The following KIF1B variants were observed in gnomAD, a reference collection of about 807,000 sequenced individuals.
KIF1B encodes the protein kinesin family member 1B.
In KIF1B, 76 loss-of-function variants were observed where a neutral mutation model predicts 241.9. The observed-to-expected ratio is 0.31, with a 90% CI of 0.26 to 0.38. KIF1B has a LOEUF of 0.38. Ranked by LOEUF, KIF1B falls within the 10% of genes least tolerant of loss-of-function variation. The pLI is 1.00. For synonymous variants in KIF1B, 750 were observed against 796.7 expected, an observed-to-expected ratio of 0.94 and a Z score of 0.99; for missense variants, 1,622 against 2,271.4, an observed-to-expected ratio of 0.71 and a Z score of 5.81.
rs952452185 is a variant in KIF1B, at chr1:10,379,751, A to C, written c.*3164A>C. ...ATCCTCCTTTCTCCCATCAAAGCAA[A>C]ATATGGCCTCACCACCAGCCCCAAA... On this transcript the variant is annotated 3_prime_UTR_variant, in exon 49 of 49. Coordinates refer to ENST00000676179, the MANE Select transcript of KIF1B (RefSeq NM_001365951.3). 2 of 230,618 alleles carry C rather than the reference A, an allele frequency of 8.7e-6. No individual in the cohort carries two copies. The allele number at this position is 230,618 out of a possible 1,614,324, so 14.3% of individuals were successfully genotyped here.
intron 32 of KIF1B, among the ~76,000 whole-genome samples, chr1:10,341,449 C>T (rs1270071288): frequency 6.6e-6 from 1 of 152,194 alleles, no homozygotes; most frequent in Admixed American, 6.5e-5. Context: ...CTTGGCACAG[C>T]TGAGGAGAGA....
In KIF1B at chr1:10,379,467, G is replaced by GGT. The variant is rs1638969494; in HGVS notation, c.*2882_*2883dup. ...GCTGGTCCCCAGCACGTCCAGGGTGGGTGCTCCCTTGCCCGACAGAACCAT... is the reference window on the plus strand; with the variant it reads ...GCTGGTCCCCAGCACGTCCAGGGTGGGTGTGCTCCCTTGCCCGACAGAACCAT... On this transcript the variant is annotated 3_prime_UTR_variant, in exon 49 of 49. Coordinates refer to ENST00000676179, the MANE Select transcript of KIF1B (RefSeq NM_001365951.3). 2.6e-5 allele frequency: 6 copies of GGT among 231,906 alleles called. No homozygotes were observed. In the South Asian group the frequency reaches 1.1e-3, roughly 42 times the overall value. 14.4% of individuals were successfully genotyped at this position (231,906 alleles called of 1,614,324 possible). A position where few individuals can be genotyped will look rare whatever the true frequency, so the allele number is the denominator to read the frequency against.
Position 10,324,817 on chromosome 1 carries a change from C to T in KIF1B, c.2597C>T (p.Ala866Val), listed in dbSNP as rs1186604745. Reference protein sequence around the residue: ...YDRAGEMASSAQDESETTVTG... With the variant: ...YDRAGEMASSVQDESETTVTG... ...AGGGCAGGGGAGATGGCCTCCAGTGCCCAAGACGAAAGCGAAACCACTGTG... is the reference window on the plus strand; with the variant it reads ...AGGGCAGGGGAGATGGCCTCCAGTGTCCAAGACGAAAGCGAAACCACTGTG... The change falls in exon 26 of 49, where the codon GCC (alanine) becomes GTC (valine). Residue 866 changes from alanine to valine, a missense_variant. This residue lies in a region of KIF1B where 803 missense variants were observed against 1,112.0 expected (regional missense o/e 0.72). Coordinates refer to ENST00000676179, the MANE Select transcript of KIF1B (RefSeq NM_001365951.3). 1.2e-6 allele frequency: 2 copies of T among 1,614,052 alleles called. No individual in the cohort carries two copies. Among genetic ancestry groups the T allele is most frequent in the Non-Finnish European group, 1.7e-6 (2 of 1,180,008 alleles).
At chr1:10,228,189 CA>C (rs918380870) in intron 1 of KIF1B, among the ~76,000 whole-genome samples, 1 of 147,818 alleles carries the variant, frequency 6.8e-6, no homozygotes. Flanking sequence ...GACTCCATCT[CA>C]AAAAAAAAGA....
At chr1:10,314,554 G>A (rs1370231061) in intron 22 of KIF1B, among the ~76,000 whole-genome samples, 2 of 151,294 alleles carry the variant, frequency 1.3e-5, no homozygotes, top group Non-Finnish European at 2.9e-5. Context: ...CGAGTAACTG[G>A]GACTACATAT....
At chr1:10,346,752 C>G (rs1214670178) in intron 35 of KIF1B, among the ~76,000 whole-genome samples, 1 of 152,216 alleles carries the variant, frequency 6.6e-6, no homozygotes, top group Admixed American at 6.5e-5. Context: ...TAAAGACTTA[C>G]ATTACTGATG....
At chr1:10,280,691 A>G (rs1030035629) in intron 14 of KIF1B, among the ~76,000 whole-genome samples, 6 of 152,344 alleles carry the variant, frequency 3.9e-5, no homozygotes, top group African/African-American at 7.2e-5. Flanking sequence ...TTGGACTGCA[A>G]CAGCTCTGTC....
At chr1:10,280,267 G>A (rs1271417136) in intron 14 of KIF1B, among the ~76,000 whole-genome samples, 2 of 151,282 alleles carry the variant, frequency 1.3e-5, no homozygotes, top group Non-Finnish European at 2.9e-5. Context: ...ATGGAGTCTT[G>A]CTTTGTCGCT....
In KIF1B at chr1:10,315,594, G is replaced by A. The variant is rs535017730; in HGVS notation, c.2116-4449G>A. ...ATTTCGTTAATTAAATCAAAAATTA[G>A]GAAAGAGAGTGTTTTAATCCAAGAT... On this transcript the variant is annotated intron_variant, in intron 22 of 48. Coordinates refer to ENST00000676179, the MANE Select transcript of KIF1B (RefSeq NM_001365951.3). 5.9e-4 allele frequency among the ~76,000 whole-genome samples: 89 copies of A among 151,582 alleles called. 9 individuals are homozygous for A. The highest frequency in any genetic ancestry group is 2.0e-3 in the African/African-American group (81 of 40,908).
chr1:10,274,981 T>C (rs534303955), intron 10 of KIF1B: 23 of 349,154 alleles, frequency 6.6e-5, no homozygotes, highest in African/African-American at 5.1e-4. Context: ...ATGTTTAATT[T>C]TTTGAATTTG....
At chr1:10,335,221 C>T (rs1458591505) in intron 28 of KIF1B, among the ~76,000 whole-genome samples, 3 of 152,094 alleles carry the variant, frequency 2.0e-5, no homozygotes, top group African/African-American at 4.8e-5. Context: ...GTTAGGATTA[C>T]GGGTGTGGGC....
At chr1:10,286,952 T>G (rs1347617435) in intron 15 of KIF1B, among the ~76,000 whole-genome samples, 1 of 151,356 alleles carries the variant, frequency 6.6e-6, no homozygotes, top group Non-Finnish European at 1.5e-5. Flanking sequence ...GCCCCTAGAG[T>G]GGGGTATGGG....
intron 32 of KIF1B, among the ~76,000 whole-genome samples, chr1:10,340,594 G>A (rs560896314): frequency 8.5e-5 from 13 of 152,136 alleles, no homozygotes; most frequent in African/African-American, 2.6e-4. Flanking sequence ...TACCTGTCCC[G>A]GCACTCTGGG....
At chr1:10,263,823 A>G (rs1235224236) in intron 5 of KIF1B, among the ~76,000 whole-genome samples, 1 of 152,184 alleles carries the variant, frequency 6.6e-6, no homozygotes, top group Non-Finnish European at 1.5e-5. Flanking sequence ...CCTAGTTGAC[A>G]CTGTGGTTTC....
Position 10,361,818 on chromosome 1 carries a change from C to T in KIF1B, c.4297C>T (p.Pro1433Ser), listed in dbSNP as rs757899517. Reference sequence around the variant, plus strand: ...CTTTGGCAGCGGCTACTCAAAGTCACCAGATTCGTAAGTTTTTCACACAAG... The same window carrying T: ...CTTTGGCAGCGGCTACTCAAAGTCATCAGATTCGTAAGTTTTTCACACAAG... ...SLFGSGYSKS[P>S]DSNRVTGIYE... The change falls in exon 40 of 49, where the codon CCA becomes TCA. Residue 1433 changes from proline (P) to serine (S), a missense_variant. Around this residue, in one of 7 missense-constraint regions of KIF1B, gnomAD observed 803 missense variants for 1,112.0 expected, o/e 0.72. Coordinates refer to ENST00000676179, the MANE Select transcript of KIF1B (RefSeq NM_001365951.3). 1.2e-6 allele frequency: 2 copies of T among 1,613,972 alleles called. No individual in the cohort carries two copies. The highest frequency in any genetic ancestry group is 8.5e-7 in the Non-Finnish European group (1 of 1,180,038).
rs141106479 is a variant in KIF1B, at chr1:10,337,094, A to C, written c.3150A>C (p.Ala1050=). Residue 1050 remains alanine, a synonymous_variant, in exon 30 of 49, where the codon GCA becomes GCC. Coordinates refer to ENST00000676179, the MANE Select transcript of KIF1B (RefSeq NM_001365951.3). This position sits in a 1 kb window ranked among gnomAD's most constrained non-coding sequence, Gnocchi z 4.0. ...YFNQSDFSSV[A]MTRSGLSLEE... ...TTCAGAGTGACTTTTCGTCTGTTGC[A>C]ATGACTCGTTCTGGTCTGTCCTTGG... The C allele has an allele frequency of 5.0e-6, 8 of 1,613,998 alleles. No individual in the cohort carries two copies. In the South Asian group the frequency reaches 8.8e-5, roughly 18 times the overall value.
Position 10,244,319 on chromosome 1 carries a change from T to TC in KIF1B, c.106+11885_106+11886insC, listed in dbSNP as rs1294678577. On this transcript the variant is annotated intron_variant, in intron 2 of 48. Coordinates refer to ENST00000676179, the MANE Select transcript of KIF1B (RefSeq NM_001365951.3). ...CATTTTTCTTTTTTTTCTTTTCTTT[T>TC]TTTTTTTTTTTTGAGATGGAGTTTC... Among the ~76,000 whole-genome samples, 523 of 148,730 alleles carry TC rather than the reference T, an allele frequency of 3.5e-3. 5 individuals carry two copies. The highest frequency in any genetic ancestry group is 0.012 in the African/African-American group (503 of 40,780).
intron 13 of KIF1B, 123 bp downstream of exon 13, chr1:10,278,251 ATGTTT>A (rs1177137384): frequency 1.5e-5 from 16 of 1,068,782 alleles, no homozygotes; most frequent in Non-Finnish European, 2.1e-5. Context: ...GGTAGTGAAA[ATGTTT>A]TGTTTTGTTT....
intron 5 of KIF1B, among the ~76,000 whole-genome samples, chr1:10,263,090 G>A (rs750068666): frequency 2.6e-5 from 4 of 151,814 alleles, no homozygotes; most frequent in Non-Finnish European, 4.4e-5. Context: ...TGAGACCAGC[G>A]TGGCCAACCT....
Sources: gnomAD v4.1 joint callset for allele counts (sites outside exome capture counted in the v4.1 genomes callset) on GRCh38, gnomAD v4.1.1 for gene constraint, gnomAD v4.1.1 regional missense constraint, Gnocchi (gnomAD v3.1) non-coding constraint, MANE v1.5 for transcripts, NCBI Gene and HGNC (gene_info 2026-07-23, HGNC 2026-07-21) for gene names.